The following GTF2E2 variants were observed in gnomAD, a reference collection of about 807,000 sequenced individuals.
The protein encoded by GTF2E2 is general transcription factor IIE subunit 2.
GTF2E2 carries 21 observed loss-of-function variants against 40.5 expected under a neutral mutation model. That is an observed-to-expected ratio of 0.52 (90% confidence interval 0.37 to 0.75). GTF2E2 has a LOEUF of 0.75. Ranked by LOEUF, GTF2E2 falls within the 30% of genes least tolerant of loss-of-function variation. The probability of loss-of-function intolerance (pLI) is 0.00; values close to 1 mark genes in which losing one functional copy is unlikely to be tolerated. For synonymous variants in GTF2E2, 117 were observed against 121.6 expected, an observed-to-expected ratio of 0.96 and a Z score of 0.25; for missense variants, 298 against 338.4, an observed-to-expected ratio of 0.88 and a Z score of 0.94.
intron 6 of GTF2E2, among the ~76,000 whole-genome samples, chr8:30,583,869 G>A (rs11779171): frequency 0.21 from 31,519 of 151,652 alleles, 3,502 homozygotes; most frequent in Middle Eastern, 0.32. Flanking sequence ...GCAGTGGTGC[G>A]ATCTCGGCTC....
At chr8:30,590,684 A>C (rs1828820497) in intron 6 of GTF2E2, among the ~76,000 whole-genome samples, 1 of 151,900 alleles carries the variant, frequency 6.6e-6, no homozygotes, top group South Asian at 2.1e-4. Flanking sequence ...GACTTGATTG[A>C]AATCAAAAAC....
At chr8:30,594,834 G>A (rs1828954386) in intron 6 of GTF2E2, among the ~76,000 whole-genome samples, 1 of 149,232 alleles carries the variant, frequency 6.7e-6, no homozygotes, top group South Asian at 2.1e-4. Flanking sequence ...TCCAGCCTGG[G>A]CAACAAGAGC....
At chr8:30,592,325 A>G (rs976502939) in intron 6 of GTF2E2, among the ~76,000 whole-genome samples, 1 of 152,196 alleles carries the variant, frequency 6.6e-6, no homozygotes, top group Non-Finnish European at 1.5e-5. Context: ...GGCTGCAGTG[A>G]GCTGTGATCA....
At chr8:30,615,071 G>T (rs1399298472) in intron 3 of GTF2E2, among the ~76,000 whole-genome samples, 1 of 152,058 alleles carries the variant, frequency 6.6e-6, no homozygotes, top group Non-Finnish European at 1.5e-5. Context: ...TTCAGGTCAG[G>T]TGTTCGAGAC....
At chr8:30,617,482 C>T (rs1800955266) in intron 3 of GTF2E2, among the ~76,000 whole-genome samples, 1 of 152,138 alleles carries the variant, frequency 6.6e-6, no homozygotes, top group African/African-American at 2.4e-5. Flanking sequence ...GTGGCTCACA[C>T]CTGAATCCCA....
chr8:30,635,395 T>G (rs532632671), intron 2 of GTF2E2, among the ~76,000 whole-genome samples: 69 of 152,202 alleles, frequency 4.5e-4, no homozygotes, highest in African/African-American at 1.6e-3. Context: ...TTTATTATAT[T>G]TTTTGAGACA....
chr8:30,612,337 T>C lies in GTF2E2; in HGVS notation c.511A>G (p.Ile171Val). ...TGGGAATTGGGCAGTGCTTCTTCTA[T>C]GTCTTCTAAAAGAATTCCTCCTAAT... ...RGLGGILLED[I>V]EEALPNSQKA... The change falls in exon 5 of 8, where the codon ATA (isoleucine) becomes GTA (valine). Residue 171 changes from isoleucine to valine, a missense_variant. Physicochemically the swap from Ile to Val is conservative, Grantham distance 29. Coordinates refer to ENST00000355904, the MANE Select transcript of GTF2E2 (RefSeq NM_002095.6). The C allele has an allele frequency of 6.2e-7, 1 of 1,612,982 alleles. No individual in the cohort carries two copies. The highest frequency in any genetic ancestry group is 1.7e-4 in the Middle Eastern group (1 of 6,050).
At position 30,635,142 on chromosome 8, in the gene GTF2E2, AT is replaced by A. The variant is rs1158882167; in HGVS notation, c.167-20del. On this transcript the variant is annotated intron_variant, in intron 2 of 7. Coordinates refer to ENST00000355904, the MANE Select transcript of GTF2E2 (RefSeq NM_002095.6). Reference sequence around the variant, plus strand: ...CTATGATCTGCAAATGAAGTTCAAAATAACATCGTCATATTATGTGTGATTA... The same window carrying A: ...CTATGATCTGCAAATGAAGTTCAAAAAACATCGTCATATTATGTGTGATTA... 7.5e-7 allele frequency: 1 copy of A among 1,340,792 alleles called. No individual in the cohort carries two copies. The highest frequency in any genetic ancestry group is 2.3e-5 in the East Asian group (1 of 43,464). The allele number at this position is 1,340,792 out of a possible 1,614,324, so 83.1% of individuals were successfully genotyped here.
chr8:30,590,882 G>C (rs1428074359), intron 6 of GTF2E2, among the ~76,000 whole-genome samples: 1 of 142,660 alleles, frequency 7.0e-6, no homozygotes, highest in Non-Finnish European at 1.5e-5. Context: ...GTAGAGACAG[G>C]GTTTTGCCAT....
intron 3 of GTF2E2, among the ~76,000 whole-genome samples, chr8:30,617,906 T>C (rs1403790399): frequency 2.6e-5 from 4 of 152,198 alleles, no homozygotes; most frequent in Non-Finnish European, 5.9e-5. Flanking sequence ...AGTGGTCTCC[T>C]ACGTGGGGTG....
intron 6 of GTF2E2, among the ~76,000 whole-genome samples, chr8:30,586,628 T>C (rs1290505745): frequency 6.6e-6 from 1 of 152,140 alleles, no homozygotes; most frequent in Admixed American, 6.5e-5. Context: ...ACCACACTAC[T>C]TCAAACTATA....
chr8:30,611,240 T>C (rs1042164185), intron 5 of GTF2E2, among the ~76,000 whole-genome samples: 13 of 152,312 alleles, frequency 8.5e-5, no homozygotes, highest in Admixed American at 6.5e-5. Flanking sequence ...GGGAGGAATG[T>C]AACAGAATCC....
At chr8:30,647,607 C>T (rs1456801605) in intron 2 of GTF2E2, among the ~76,000 whole-genome samples, 3 of 152,104 alleles carry the variant, frequency 2.0e-5, no homozygotes, top group East Asian at 3.8e-4. Flanking sequence ...TCTTAACTGC[C>T]GGTCTGAAAT....
At chr8:30,591,914 C>T (rs149862805) in intron 6 of GTF2E2, among the ~76,000 whole-genome samples, 2,780 of 152,008 alleles carry the variant, frequency 0.018, 82 homozygotes, top group Admixed American at 0.021. Flanking sequence ...TATGGCCATA[C>T]AATAGAATTT....
intron 6 of GTF2E2, among the ~76,000 whole-genome samples, chr8:30,594,144 C>T (rs981205649): frequency 2.0e-5 from 3 of 152,134 alleles, no homozygotes; most frequent in African/African-American, 7.2e-5. Flanking sequence ...GTTGGCTAGG[C>T]TGGTCTTGAA....
intron 2 of GTF2E2, among the ~76,000 whole-genome samples, chr8:30,636,102 T>G (rs1801591870): frequency 6.6e-6 from 1 of 152,190 alleles, no homozygotes; most frequent in Non-Finnish European, 1.5e-5. Context: ...ATCATTTGTT[T>G]CAAAATATCT....
At position 30,599,698 on chromosome 8, in the gene GTF2E2, G is replaced by T. The variant is rs540304870; in HGVS notation, c.643+7359C>A. Among the ~76,000 whole-genome samples the T allele has an allele frequency of 1.3e-5, 2 of 151,156 alleles. 1 individual carries two copies. The highest frequency in any genetic ancestry group is 1.3e-4 in the Admixed American group (2 of 15,156). The stretch of plus-strand genomic sequence containing the variant: ...ACCATGTAGCCATTTAAAAAATAAC[G>T]ATCAGGCAGGGCACGGTGGCTCACA... On this transcript the variant is annotated intron_variant, in intron 6 of 7. Coordinates refer to ENST00000355904, the MANE Select transcript of GTF2E2 (RefSeq NM_002095.6).
chr8:30,597,874 C>G (rs1443439420), intron 6 of GTF2E2, among the ~76,000 whole-genome samples: 1 of 152,188 alleles, frequency 6.6e-6, no homozygotes, highest in Non-Finnish European at 1.5e-5. Context: ...GGTCAAACTT[C>G]CAACTCAGCA....
At chr8:30,606,835 G>A (rs182938313) in intron 6 of GTF2E2, among the ~76,000 whole-genome samples, 293 of 152,188 alleles carry the variant, frequency 1.9e-3, no homozygotes, top group African/African-American at 4.6e-3. Flanking sequence ...CCTGAACTGC[G>A]ATTGTAAGTA....
Sources: allele counts gnomAD v4.1 joint callset (sites outside exome capture counted in the v4.1 genomes callset), GRCh38; gene constraint gnomAD v4.1.1; transcripts MANE v1.5; gene names NCBI Gene and HGNC (gene_info 2026-07-23, HGNC 2026-07-21).